The following SANBR variants were observed in gnomAD, a reference collection of about 807,000 sequenced individuals.
SANBR encodes the protein SANT and BTB domain regulator of CSR.
A neutral mutation model predicts 101.8 loss-of-function variants in SANBR; 77 were observed. The ratio of observed to expected loss-of-function variants is 0.76; its 90% CI spans 0.63 to 0.91. SANBR has a LOEUF of 0.91. SANBR is among the 40% of genes least tolerant of loss of function. The probability of loss-of-function intolerance (pLI) is 0.00; values close to 1 mark genes in which losing one functional copy is unlikely to be tolerated. For synonymous variants in SANBR, 279 were observed against 274.7 expected, an observed-to-expected ratio of 1.02 and a Z score of -0.15; for missense variants, 875 against 853.0, an observed-to-expected ratio of 1.03 and a Z score of -0.32.
chr2:61,123,716 A>G lies in SANBR; in HGVS notation c.*1554A>G. 1.0e-6 allele frequency: 1 copy of G among 985,504 alleles called. No homozygotes were observed. Among genetic ancestry groups the G allele is most frequent in the African/African-American group, 1.7e-5 (1 of 57,370 alleles). 61.0% of individuals were successfully genotyped at this position (985,504 alleles called of 1,614,324 possible). On this transcript the variant is annotated 3_prime_UTR_variant, in exon 22 of 22. Coordinates refer to ENST00000402291, the MANE Select transcript of SANBR (RefSeq NM_001129993.3). ...TTTTGATTTTTAACTGATGGTAAAA[A>G]GGCAAACTGCTTCTCCCCTGGGAGG...
At position 61,092,497 on chromosome 2, in the gene SANBR, T is replaced by G. The variant is rs1682814586; in HGVS notation, c.1122T>G (p.Asn374Lys). ...DKTWDVHEYL[N>K]SLFEELKSWR... ...CATGGGATGTTCATGAGTATTTGAA[T>G]AGTCTTTTCGAAGAATTAAAATCTT... The change falls in exon 11 of 22, where the codon AAT becomes AAG. Residue 374 changes from asparagine to lysine, a missense_variant. Transcript: ENST00000402291. The G allele has an allele frequency of 6.2e-7, 1 of 1,603,242 alleles. No homozygotes were observed. Among genetic ancestry groups the G allele is most frequent in the East Asian group, 2.2e-5 (1 of 44,608 alleles).
At position 61,122,744 on chromosome 2, in the gene SANBR, A is replaced by G. The variant is rs1044117138; in HGVS notation, c.*582A>G. On this transcript the variant is annotated 3_prime_UTR_variant, in exon 22 of 22. Transcript: ENST00000402291. ...TTGGGCAGAAGGGTTAATTTTTTTC[A>G]GCATTATATCGTGGAAAGTACAATG... The G allele has an allele frequency of 7.1e-6, 7 of 985,270 alleles. No individual in the cohort carries two copies. Among genetic ancestry groups the G allele is most frequent in the Non-Finnish European group, 8.4e-6 (7 of 829,828 alleles). The allele number at this position is 985,270 out of a possible 1,614,324, so 61.0% of individuals were successfully genotyped here.
At chr2:61,077,600 GAA>G (rs1681863674) in intron 6 of SANBR, among the ~76,000 whole-genome samples, 1 of 150,856 alleles carries the variant, frequency 6.6e-6, no homozygotes, top group African/African-American at 2.4e-5. Context: ...AAAAAAAAAA[GAA>G]AAGAAAAAAA....
chr2:61,115,128 C>T (rs182855431), intron 16 of SANBR, among the ~76,000 whole-genome samples: 4 of 152,144 alleles, frequency 2.6e-5, no homozygotes, highest in African/African-American at 9.6e-5. Flanking sequence ...ATTGTTTCTC[C>T]CTTAAAAGAA....
intron 16 of SANBR, among the ~76,000 whole-genome samples, chr2:61,114,253 C>T (rs916659365): frequency 5.9e-5 from 9 of 152,286 alleles, no homozygotes; most frequent in African/African-American, 2.2e-4. Context: ...GCAGCCGCGA[C>T]CCAGACTTGC....
chr2:61,116,219 A>C, intron 17 of SANBR, 149 bp downstream of exon 17: 1 of 573,406 alleles, frequency 1.7e-6, no homozygotes, highest in Non-Finnish European at 3.1e-6. Flanking sequence ...AAGATCTCTA[A>C]GATATATTGA....
rs1315284859 is a variant in SANBR, at chr2:61,070,327, CT to C, written c.-9-13del. On this transcript the variant is annotated splice_polypyrimidine_tract_variant and intron_variant, in intron 2 of 21. Coordinates refer to ENST00000402291, the MANE Select transcript of SANBR (RefSeq NM_001129993.3). Reference sequence around the variant, plus strand: ...TTCGGGTTTAAATAAAGCTTTTTGTCTTCCCTATCCCTAGTTCCAAAAGATG... The same window carrying C: ...TTCGGGTTTAAATAAAGCTTTTTGTCTCCCTATCCCTAGTTCCAAAAGATG... 1 of 1,533,856 alleles carries C rather than the reference CT, an allele frequency of 6.5e-7. No individual in the cohort carries two copies. Among genetic ancestry groups the C allele is most frequent in the East Asian group, 2.5e-5 (1 of 40,646 alleles).
rs570072631 is a variant in SANBR at position 61,123,858 on chromosome 2, G to A, written c.*1696G>A. 75 of 871,642 alleles carry A rather than the reference G, an allele frequency of 8.6e-5. No individual in the cohort carries two copies. Among genetic ancestry groups the A allele is most frequent in the Non-Finnish European group, 9.9e-5 (72 of 726,154 alleles). The allele number at this position is 871,642 out of a possible 1,614,324, so 54.0% of individuals were successfully genotyped here. ...AGTAATCCCAGCACTTTGGGAGGCC[G>A]AGGCGGGCAGATCACCTGAGGTCAG... On this transcript the variant is annotated 3_prime_UTR_variant, in exon 22 of 22. Coordinates refer to ENST00000402291, the MANE Select transcript of SANBR (RefSeq NM_001129993.3).
Position 61,073,528 on chromosome 2 carries a change from A to G in SANBR, c.408A>G (p.Gly136=), listed in dbSNP as rs1236926764. Residue 136 remains glycine, a synonymous_variant, in exon 5 of 22, where the codon GGA becomes GGG. Coordinates refer to ENST00000402291, the MANE Select transcript of SANBR (RefSeq NM_001129993.3). ...ESENCTTHNG[G]EMTEESEGPN... Reference sequence around the variant, plus strand: ...AAAATTGTACTACTCATAATGGTGGAGAAATGACTGAAGAATCTGAAGGGT... The same window carrying G: ...AAAATTGTACTACTCATAATGGTGGGGAAATGACTGAAGAATCTGAAGGGT... The G allele has an allele frequency of 6.4e-7, 1 of 1,574,478 alleles. No homozygotes were observed. The highest frequency in any genetic ancestry group is 1.8e-5 in the Admixed American group (1 of 56,814).
chr2:61,129,449 A>G (rs909467452), intron 20 of SANBR, among the ~76,000 whole-genome samples: 2 of 151,932 alleles, frequency 1.3e-5, no homozygotes, highest in African/African-American at 4.8e-5. Context: ...CATCTCAAAA[A>G]AAAAAACAAG....
chr2:61,103,157 A>G (rs1018323132), intron 12 of SANBR, among the ~76,000 whole-genome samples: 3 of 144,230 alleles, frequency 2.1e-5, no homozygotes, highest in Admixed American at 6.9e-5. Context: ...TTTTTTTGAG[A>G]CAGGGTTTCA....
intron 14 of SANBR, 52 bp from the exon 15 acceptor site, chr2:61,108,265 G>C: frequency 8.7e-7 from 1 of 1,151,556 alleles, no homozygotes; most frequent in Non-Finnish European, 1.3e-6. Context: ...AAAATAAGGA[G>C]CTGCAATCTA....
At chr2:61,109,331 T>A (rs778922779) in intron 16 of SANBR, 35 bp downstream of exon 16, 1 of 1,187,612 alleles carries the variant, frequency 8.4e-7, no homozygotes, top group Non-Finnish European at 1.2e-6. Context: ...AATCTCCCTG[T>A]TTATGAAGGG....
chr2:61,136,900 G>T (rs558390867), intron 21 of SANBR, among the ~76,000 whole-genome samples: 1 of 151,370 alleles, frequency 6.6e-6, no homozygotes, highest in African/African-American at 2.4e-5. Context: ...AACTTGGGAG[G>T]CGAAGGTTGC....
chr2:61,089,433 G>A (rs1262576949), intron 10 of SANBR: 1 of 152,396 alleles, frequency 6.6e-6, no homozygotes, highest in Non-Finnish European at 1.5e-5. Context: ...TTGAACCCAG[G>A]AGGCAGAGGT....
Position 61,092,484 on chromosome 2 carries a change from A to C in SANBR, c.1109A>C (p.His370Pro), listed in dbSNP as rs748362315. 1 of 1,596,034 alleles carries C rather than the reference A, an allele frequency of 6.3e-7. No homozygotes were observed. The highest frequency in any genetic ancestry group is 1.2e-5 in the South Asian group (1 of 85,488). ...TCCAGAGATAAGACATGGGATGTTC[A>C]TGAGTATTTGAATAGTCTTTTCGAA... Reference protein sequence around the residue: ...IHIRDKTWDVHEYLNSLFEEL... With the variant: ...IHIRDKTWDVPEYLNSLFEEL... The change falls in exon 11 of 22, where the codon CAT becomes CCT. Residue 370 changes from histidine (H) to proline (P), a missense_variant. By Grantham distance (77) the His-to-Pro change is moderately conservative. Coordinates refer to ENST00000402291, the MANE Select transcript of SANBR (RefSeq NM_001129993.3).
rs1559141699 is a variant in SANBR, at chr2:61,118,065, A to C, written c.1977A>C (p.Ile659=). The C allele has an allele frequency of 6.2e-7, 1 of 1,613,844 alleles. No individual in the cohort carries two copies. Among genetic ancestry groups the C allele is most frequent in the Non-Finnish European group, 8.5e-7 (1 of 1,179,854 alleles). The change falls in exon 20 of 22, where the codon ATA becomes ATC. Residue 659 remains isoleucine, a synonymous_variant. Transcript: ENST00000402291. ...RRMTEITGHL[I]KMRLGDLDRV... is the part of the protein sequence containing the mutation. ...TGACTGAAATTACAGGGCACCTAAT[A>C]AAAATGAGATTGGGGGATCTGGACC...
intron 11 of SANBR, among the ~76,000 whole-genome samples, chr2:61,095,197 A>G (rs1200399973): frequency 6.6e-6 from 1 of 152,164 alleles, no homozygotes; most frequent in Non-Finnish European, 1.5e-5. Flanking sequence ...AGCTTCTAAA[A>G]TCTGACTTGC....
rs1573660950 is a variant in SANBR, at chr2:61,115,769, AAATG to A, written c.1745-207_1745-204del. The stretch of plus-strand genomic sequence containing the variant: ...TCTGTCTCAAAAAAAAAGAAAAAGA[AAATG>A]AACCCCTGTAAAGCAATTTCAGCTT... On this transcript the variant is annotated intron_variant, in intron 16 of 21. Coordinates refer to ENST00000402291, the MANE Select transcript of SANBR (RefSeq NM_001129993.3). 4 of 363,618 alleles carry A rather than the reference AAATG, an allele frequency of 1.1e-5. No homozygotes were observed. In the East Asian group the frequency reaches 2.0e-4, roughly 18 times the overall value. 22.5% of individuals were successfully genotyped at this position (363,618 alleles called of 1,614,324 possible).
Sources: gnomAD v4.1 joint callset for allele counts (sites outside exome capture counted in the v4.1 genomes callset) on GRCh38, gnomAD v4.1.1 for gene constraint, MANE v1.5 for transcripts, NCBI Gene and HGNC (gene_info 2026-07-23, HGNC 2026-07-21) for gene names.